The following ZNF532 variants were observed in gnomAD, a reference collection of about 807,000 sequenced individuals.
ZNF532 encodes the protein zinc finger protein 532.
ZNF532 carries 22 observed loss-of-function variants against 89.3 expected under a neutral mutation model. The ratio of observed to expected loss-of-function variants is 0.25; its 90% CI spans 0.18 to 0.35. The LOEUF (loss-of-function observed/expected upper bound fraction) is 0.35, where lower values mean the gene tolerates loss of function less well. Among genes scored for constraint, ZNF532 ranks in the 10% least tolerant of loss-of-function variants. ZNF532 has a pLI of 1.00. For synonymous variants in ZNF532, 606 were observed against 649.6 expected, an observed-to-expected ratio of 0.93 and a Z score of 1.02; for missense variants, 1,132 against 1,643.4, an observed-to-expected ratio of 0.69 and a Z score of 5.38.
chr18:58,867,657 G>A (rs1364451705), intron 2 of ZNF532, among the ~76,000 whole-genome samples: 1 of 152,236 alleles, frequency 6.6e-6, no homozygotes, highest in Non-Finnish European at 1.5e-5. Context: ...AGTGCCTGTA[G>A]CAGGCTCTAA....
chr18:58,937,964 T>C (rs1402679437), intron 4 of ZNF532, among the ~76,000 whole-genome samples: 1 of 152,232 alleles, frequency 6.6e-6, no homozygotes, highest in Non-Finnish European at 1.5e-5. Context: ...ACATAGCTGT[T>C]GCTGAACATA....
intron 7 of ZNF532, among the ~76,000 whole-genome samples, chr18:58,974,240 C>T (rs982362301): frequency 2.0e-5 from 3 of 152,098 alleles, no homozygotes; most frequent in Middle Eastern, 3.2e-3. Context: ...ATCTTGAAGT[C>T]TCCTTATGCA....
intron 7 of ZNF532, among the ~76,000 whole-genome samples, chr18:58,967,583 T>C (rs1330168259): frequency 1.3e-5 from 2 of 151,908 alleles, no homozygotes; most frequent in South Asian, 4.2e-4. Context: ...GCCTCCACCA[T>C]ACTTTTTTTT....
intron 5 of ZNF532, among the ~76,000 whole-genome samples, chr18:58,945,787 G>A (rs2063598609): frequency 6.6e-6 from 1 of 151,556 alleles, no homozygotes; most frequent in Admixed American, 6.6e-5. Flanking sequence ...GAGTGCAGCA[G>A]CGTGGTCTCA....
At chr18:58,864,117 G>GC (rs1019352749), upstream of ZNF532, 25 of 152,320 alleles carry the variant, frequency 1.6e-4, no homozygotes, top group African/African-American at 5.8e-4. Context: ...AGGCCTCCGT[G>GC]CCCCCTCTCC....
rs968779337 is a variant in ZNF532 at position 58,885,813 on chromosome 18, C to T, written c.-18+20234C>T. 2.0e-5 allele frequency among the ~76,000 whole-genome samples: 3 copies of T among 150,276 alleles called. No homozygotes were observed. In the East Asian group the frequency reaches 5.9e-4, roughly 30 times the overall value. On this transcript the variant is annotated intron_variant, in intron 2 of 9. Transcript: ENST00000591808. ...AGGTTGCAGTGAGCCGAAATCGCAT[C>T]ATCGTACTCCAGCCTGGGTCGAGAC...
intron 2 of ZNF532, among the ~76,000 whole-genome samples, chr18:58,903,690 A>G (rs1240901177): frequency 1.3e-5 from 2 of 152,192 alleles, no homozygotes; most frequent in Non-Finnish European, 2.9e-5. Flanking sequence ...TGAGTAAGAG[A>G]TGACGAAGTT....
chr18:58,968,382 G>A (rs1012772448), intron 7 of ZNF532, among the ~76,000 whole-genome samples: 1 of 152,176 alleles, frequency 6.6e-6, no homozygotes, highest in African/African-American at 2.4e-5. Flanking sequence ...CTTCCAGCTC[G>A]GCTTCCAGTG....
chr18:58,892,643 C>T (rs1289011481), intron 2 of ZNF532, among the ~76,000 whole-genome samples: 2 of 152,200 alleles, frequency 1.3e-5, no homozygotes, highest in Non-Finnish European at 2.9e-5. Flanking sequence ...GGCAGCCTGT[C>T]GTCTAAATAA....
intron 2 of ZNF532, among the ~76,000 whole-genome samples, chr18:58,868,559 A>G (rs1171109468): frequency 6.6e-6 from 1 of 152,142 alleles, no homozygotes; most frequent in Non-Finnish European, 1.5e-5. Context: ...GCTTTCTAGA[A>G]TGTCAGATAG....
chr18:58,895,300 A>G (rs1324652545), intron 2 of ZNF532, among the ~76,000 whole-genome samples: 3 of 152,338 alleles, frequency 2.0e-5, no homozygotes, highest in Admixed American at 6.5e-5. Flanking sequence ...GTATTTCCCA[A>G]AAGGGCACGT....
Position 58,912,227 on chromosome 18 carries a change from A to G in ZNF532, c.-17-6044A>G, listed in dbSNP as rs982557744. On this transcript the variant is annotated intron_variant, in intron 2 of 9. Transcript: ENST00000591808. ...AAATCTGTTATATTTCAGATCAGGA[A>G]TATCAAGTGTTAGCTGAAGAAGAAA... 6.6e-5 allele frequency among the ~76,000 whole-genome samples: 10 copies of G among 152,336 alleles called. No individual in the cohort carries two copies. The South Asian group carries it at 1.7e-3, about 25-fold the overall frequency.
rs754718006 is a variant in ZNF532 at position 58,918,586 on chromosome 18, A to G, written c.299A>G (p.Asp100Gly). 1.2e-6 allele frequency: 2 copies of G among 1,614,182 alleles called. No individual in the cohort carries two copies. Among genetic ancestry groups the G allele is most frequent in the East Asian group, 2.2e-5 (1 of 44,880 alleles). Reference sequence around the variant, plus strand: ...GGGTTTCTCACAGCATCCTCCCTTGACAGTTACAGTAAAGATGGAGCAAAG... The same window carrying G: ...GGGTTTCTCACAGCATCCTCCCTTGGCAGTTACAGTAAAGATGGAGCAAAG... ...HNGFLTASSL[D>G]SYSKDGAKSL... The change falls in exon 3 of 10, where the codon GAC (aspartate) becomes GGC (glycine). Residue 100 changes from aspartate to glycine, a missense_variant. Transcript: ENST00000591808.
At chr18:58,947,740 G>A (rs1568396732) in intron 5 of ZNF532, among the ~76,000 whole-genome samples, 1 of 151,914 alleles carries the variant, frequency 6.6e-6, no homozygotes, top group Non-Finnish European at 1.5e-5. Flanking sequence ...AAAAAAAAAG[G>A]ATGCTTTTGC....
chr18:58,881,720 G>A (rs79369207), intron 2 of ZNF532, among the ~76,000 whole-genome samples: 8,086 of 152,192 alleles, frequency 0.053, 295 homozygotes, highest in Middle Eastern at 0.11. Context: ...TATCTTTGAC[G>A]TTCAAAGCCA....
At chr18:58,887,644 A>G (rs1036799362) in intron 2 of ZNF532, among the ~76,000 whole-genome samples, 1 of 152,152 alleles carries the variant, frequency 6.6e-6, no homozygotes, top group Non-Finnish European at 1.5e-5. Context: ...GTGACCTGTC[A>G]TCTTCCACCT....
At chr18:58,889,722 G>A (rs1173732693) in intron 2 of ZNF532, among the ~76,000 whole-genome samples, 2 of 151,378 alleles carry the variant, frequency 1.3e-5, no homozygotes, top group Non-Finnish European at 2.9e-5. Context: ...GCGGTGAGCC[G>A]AGGTCACGCC....
At chr18:58,882,098 A>G (rs1272468175) in intron 2 of ZNF532, among the ~76,000 whole-genome samples, 2 of 152,022 alleles carry the variant, frequency 1.3e-5, no homozygotes, top group Admixed American at 1.3e-4. Flanking sequence ...GCTTGGGACT[A>G]TTAGGTGCAC....
chr18:58,937,717 C>A (rs969202359), intron 4 of ZNF532, among the ~76,000 whole-genome samples: 1 of 152,170 alleles, frequency 6.6e-6, no homozygotes, highest in Non-Finnish European at 1.5e-5. Flanking sequence ...CTTCCTCTTT[C>A]ATGGGAGTTG....
Sources: gnomAD v4.1 joint callset for allele counts (sites outside exome capture counted in the v4.1 genomes callset) on GRCh38, gnomAD v4.1.1 for gene constraint, MANE v1.5 for transcripts, NCBI Gene and HGNC (gene_info 2026-07-23, HGNC 2026-07-21) for gene names.